Variants in SORCS1 observed in about 807,000 individuals in gnomAD.
SORCS1 encodes sortilin related VPS10 domain containing receptor 1, also known as VPS10 domain-containing receptor SorCS1.
Under a neutral mutation model 146.1 loss-of-function variants are expected in SORCS1, and 60 were observed. That is an observed-to-expected ratio of 0.41 (90% CI 0.33 to 0.51). The LOEUF (loss-of-function observed/expected upper bound fraction) is 0.51, where lower values mean the gene tolerates loss of function less well. Among genes scored for constraint, SORCS1 ranks in the 20% least tolerant of loss-of-function variants. The pLI is 0.21. For synonymous variants in SORCS1, 637 were observed against 584.0 expected (o/e 1.09, Z -1.31); for missense variants, 1,352 against 1,487.6 (o/e 0.91, Z 1.50).
At chr10:106,671,133 C>T in intron 16 of SORCS1, 104 bp downstream of exon 16, 1 of 1,496,614 alleles carries the variant, frequency 6.7e-7, no homozygotes, top group Non-Finnish European at 9.1e-7. Context: ...AAGCTGGCCA[C>T]TTAGCCCTAT....
In SORCS1 at chr10:106,908,682, C is replaced by T. The variant is rs1952016439; in HGVS notation, c.626+47831G>A. On this transcript the variant is annotated intron_variant, in intron 2 of 25. Transcript: ENST00000263054. ...TTTCCCAAGAGCCCAGCAGCCCTTA[C>T]ACACAGCATGCCATTAACAATGGAG... is the stretch of plus-strand genomic sequence containing the variant. Among the ~76,000 whole-genome samples, 3 of 152,196 alleles carry T rather than the reference C, an allele frequency of 2.0e-5. No homozygotes were observed. In the South Asian group the frequency reaches 6.2e-4, roughly 31 times the overall value.
chr10:107,168,793 G>A (rs185461775), upstream of SORCS1, among the ~76,000 whole-genome samples: 35 of 151,134 alleles, frequency 2.3e-4, no homozygotes, highest in South Asian at 1.3e-3. Context: ...AGGTTTCTAC[G>A]TAGGCATTCT....
chr10:106,833,199 T>C (rs777026315), intron 2 of SORCS1, among the ~76,000 whole-genome samples: 31 of 152,226 alleles, frequency 2.0e-4, no homozygotes, highest in Non-Finnish European at 4.0e-4. Context: ...TATCTATCAT[T>C]ATTTTTTGGT....
At chr10:106,971,129 A>T (rs1702957411) in intron 1 of SORCS1, among the ~76,000 whole-genome samples, 1 of 152,068 alleles carries the variant, frequency 6.6e-6, no homozygotes, top group South Asian at 2.1e-4. Flanking sequence ...GATATTTTAA[A>T]AAATAGCAGT....
At chr10:106,746,218 G>GT (rs949154434) in intron 5 of SORCS1, among the ~76,000 whole-genome samples, 3 of 152,180 alleles carry the variant, frequency 2.0e-5, no homozygotes, top group African/African-American at 2.4e-5. Flanking sequence ...TTAGTTCACT[G>GT]TTTTTTACCA....
At chr10:106,869,613 G>T (rs778124507) in intron 2 of SORCS1, among the ~76,000 whole-genome samples, 1 of 152,140 alleles carries the variant, frequency 6.6e-6, no homozygotes, top group Non-Finnish European at 1.5e-5. Context: ...CTCAATAGAT[G>T]CAGAAAAGAC....
At chr10:107,092,883 G>GA (rs34184443) in intron 1 of SORCS1, among the ~76,000 whole-genome samples, 21,480 of 61,094 alleles carry the variant, frequency 0.35, 3,199 homozygotes, top group Non-Finnish European at 0.4. Context: ...AGAAGACCAT[G>GA]AAAAAAAAAA....
At chr10:106,880,159 G>A (rs1950754713) in intron 2 of SORCS1, among the ~76,000 whole-genome samples, 1 of 152,146 alleles carries the variant, frequency 6.6e-6, no homozygotes, top group Admixed American at 6.5e-5. Context: ...TATTGATCAG[G>A]CTTCAATAAT....
chr10:106,583,777 G>A (rs1845061766), intron 24 of SORCS1, among the ~76,000 whole-genome samples: 1 of 151,926 alleles, frequency 6.6e-6, no homozygotes, highest in African/African-American at 2.4e-5. Flanking sequence ...CCAAAGTGCT[G>A]GGATTACAGG....
chr10:106,639,432 T>C (rs1848922818), intron 18 of SORCS1, among the ~76,000 whole-genome samples: 1 of 152,232 alleles, frequency 6.6e-6, no homozygotes. Context: ...CATCTTTTCT[T>C]TGAGACCCTA....
chr10:106,878,638 ATATATATATATT>A (rs1381703249), intron 2 of SORCS1, among the ~76,000 whole-genome samples: 1 of 136,504 alleles, frequency 7.3e-6, no homozygotes, highest in East Asian at 2.1e-4. Context: ...ATATATATAT[ATATATATATATT>A]TTATAGCAGC....
intron 1 of SORCS1, among the ~76,000 whole-genome samples, chr10:106,982,438 T>C (rs1396739616): frequency 1.3e-5 from 2 of 152,212 alleles, no homozygotes; most frequent in Non-Finnish European, 2.9e-5. Flanking sequence ...TTTCACAGTA[T>C]GTTAGTCCGT....
chr10:107,098,332 T>C (rs1964675546), intron 1 of SORCS1, among the ~76,000 whole-genome samples: 1 of 152,292 alleles, frequency 6.6e-6, no homozygotes, highest in South Asian at 2.1e-4. Context: ...TAGTAGACAA[T>C]AAGAGGTCCA....
chr10:107,048,715 G>T (rs1002327196), intron 1 of SORCS1, among the ~76,000 whole-genome samples: 1 of 152,112 alleles, frequency 6.6e-6, no homozygotes, highest in Non-Finnish European at 1.5e-5. Context: ...TCACATCGTA[G>T]GTGACACCAT....
At chr10:107,002,195 T>C (rs1957250381) in intron 1 of SORCS1, among the ~76,000 whole-genome samples, 1 of 152,236 alleles carries the variant, frequency 6.6e-6, no homozygotes, top group Non-Finnish European at 1.5e-5. Context: ...TATTACTTTG[T>C]GGTTTTGAAT....
chr10:106,692,697 T>C (rs1853389766), intron 9 of SORCS1, among the ~76,000 whole-genome samples: 1 of 152,072 alleles, frequency 6.6e-6, no homozygotes, highest in African/African-American at 2.4e-5. Context: ...GTACCAGAGG[T>C]TGAACATCCC....
intron 1 of SORCS1, among the ~76,000 whole-genome samples, chr10:107,047,114 A>C (rs1438773963): frequency 6.6e-6 from 1 of 152,008 alleles, no homozygotes; most frequent in Non-Finnish European, 1.5e-5. Context: ...TCGGCCTCCC[A>C]GGTAGCTGGG....
intron 2 of SORCS1, among the ~76,000 whole-genome samples, chr10:106,952,802 C>T (rs1954754948): frequency 6.6e-6 from 1 of 150,958 alleles, no homozygotes; most frequent in South Asian, 2.1e-4. Flanking sequence ...AAAGTGGGAC[C>T]CTGTCTCTAT....
chr10:107,030,753 A>T (rs1958614247), intron 1 of SORCS1, among the ~76,000 whole-genome samples: 1 of 152,234 alleles, frequency 6.6e-6, no homozygotes, highest in Non-Finnish European at 1.5e-5. Flanking sequence ...TTTAAAACTG[A>T]AAAGATTTTT....
Sources: allele counts gnomAD v4.1 joint callset (sites outside exome capture counted in the v4.1 genomes callset), GRCh38; gene constraint gnomAD v4.1.1; transcripts MANE v1.5; gene names NCBI Gene and HGNC (gene_info 2026-07-23, HGNC 2026-07-21).